KLHL1: variants seen among roughly 807,000 people sequenced by gnomAD.
KLHL1 encodes kelch like family member 1, also known as kelch-like protein 1.
KLHL1 carries 47 observed loss-of-function variants against 77.7 expected under a neutral mutation model. That is an observed-to-expected ratio of 0.60 (90% CI 0.48 to 0.77). KLHL1 has a LOEUF of 0.77. KLHL1 is among the 30% of genes least tolerant of loss of function. KLHL1 has a pLI of 0.00. For missense variants in KLHL1, 925 were observed against 910.8 expected (o/e 1.02, Z -0.20); for synonymous variants, 360 against 325.2 (o/e 1.11, Z -1.15).
At chr13:69,997,827 T>A (rs1277471513) in intron 1 of KLHL1, among the ~76,000 whole-genome samples, 1 of 149,666 alleles carries the variant, frequency 6.7e-6, no homozygotes. Flanking sequence ...TATATATATA[T>A]CTCACATATT....
At chr13:69,713,812 T>A (rs1201504094) in intron 9 of KLHL1, among the ~76,000 whole-genome samples, 1 of 152,166 alleles carries the variant, frequency 6.6e-6, no homozygotes, top group Non-Finnish European at 1.5e-5. Context: ...TTGGTACACA[T>A]GGTATTTCTA....
At chr13:69,891,920 CCA>C (rs1321420689) in intron 4 of KLHL1, among the ~76,000 whole-genome samples, 5 of 151,768 alleles carry the variant, frequency 3.3e-5, no homozygotes, top group African/African-American at 1.2e-4. Context: ...AAAAAATACT[CCA>C]GTCAGCTAAA....
chr13:69,900,171 G>A (rs545254603), intron 4 of KLHL1, among the ~76,000 whole-genome samples: 2 of 152,078 alleles, frequency 1.3e-5, no homozygotes, highest in Non-Finnish European at 2.9e-5. Context: ...CAATAACATC[G>A]AATTGCCTAT....
At chr13:69,867,830 C>A (rs1880421157) in intron 5 of KLHL1, among the ~76,000 whole-genome samples, 1 of 123,412 alleles carries the variant, frequency 8.1e-6, no homozygotes, top group Non-Finnish European at 1.6e-5. Context: ...GGAAGGGGAA[C>A]ATCACACACT....
chr13:69,843,486 T>C (rs1879343757), intron 5 of KLHL1, among the ~76,000 whole-genome samples: 1 of 151,618 alleles, frequency 6.6e-6, no homozygotes, highest in African/African-American at 2.4e-5. Context: ...CCCTAGTATT[T>C]TGATGGCTCC....
chr13:69,896,666 T>C (rs974121715), intron 4 of KLHL1, among the ~76,000 whole-genome samples: 1 of 149,074 alleles, frequency 6.7e-6, no homozygotes, highest in African/African-American at 2.6e-5. Flanking sequence ...GTCAAAGTAT[T>C]AAAATTTTTT....
intron 1 of KLHL1, among the ~76,000 whole-genome samples, chr13:70,039,861 G>A (rs916364509): frequency 6.6e-6 from 1 of 151,824 alleles, no homozygotes; most frequent in African/African-American, 2.4e-5. Flanking sequence ...GGCTGGTCTC[G>A]AAATTCTGAC....
intron 4 of KLHL1, among the ~76,000 whole-genome samples, chr13:69,907,022 A>G (rs1283595591): frequency 1.3e-5 from 2 of 151,944 alleles, no homozygotes; most frequent in Non-Finnish European, 2.9e-5. Context: ...ATGATTTTCA[A>G]ACTTTCCTTT....
At chr13:70,050,891 T>C (rs1367410590) in intron 1 of KLHL1, among the ~76,000 whole-genome samples, 1 of 152,000 alleles carries the variant, frequency 6.6e-6, no homozygotes, top group Non-Finnish European at 1.5e-5. Flanking sequence ...TTATGATCCC[T>C]AGGACATTAA....
chr13:70,013,472 G>C (rs1885585991), intron 1 of KLHL1, among the ~76,000 whole-genome samples: 1 of 152,136 alleles, frequency 6.6e-6, no homozygotes, highest in Non-Finnish European at 1.5e-5. Flanking sequence ...AAAGGGCAAG[G>C]TGATAGTGTA....
At chr13:69,780,713 T>TATATATATATACATAC (rs1566243678) in intron 7 of KLHL1, among the ~76,000 whole-genome samples, 1 of 32,952 alleles carries the variant, frequency 3.0e-5, no homozygotes, top group Non-Finnish European at 5.3e-5. Flanking sequence ...TATATATATA[T>TATATATATATACATAC]ATGTATATAT....
At chr13:69,901,406 G>A (rs531474924) in intron 4 of KLHL1, among the ~76,000 whole-genome samples, 1 of 152,298 alleles carries the variant, frequency 6.6e-6, no homozygotes, top group African/African-American at 2.4e-5. Flanking sequence ...TTCCAAGAAT[G>A]AGTTGAGGGA....
intron 8 of KLHL1, among the ~76,000 whole-genome samples, chr13:69,729,172 C>CT (rs375850580): frequency 4.6e-5 from 7 of 152,126 alleles, no homozygotes; most frequent in African/African-American, 1.4e-4. Context: ...CGTTTATTCA[C>CT]TTTTTTTGTG....
chr13:69,997,993 T>C (rs943013214), intron 1 of KLHL1, among the ~76,000 whole-genome samples: 2 of 151,914 alleles, frequency 1.3e-5, no homozygotes, highest in Non-Finnish European at 2.9e-5. Flanking sequence ...CTGAATTACA[T>C]GATAGTTCTA....
Position 69,924,502 on chromosome 13 carries a change from C to G in KLHL1, c.1014+15538G>C, listed in dbSNP as rs117438683. On this transcript the variant is annotated intron_variant, in intron 4 of 10. Coordinates refer to ENST00000377844, the MANE Select transcript of KLHL1 (RefSeq NM_020866.3). Reference sequence around the variant, plus strand: ...TGAGAGCTGAACACTCATTGGGACACCCTAGCTGCAGAGTGAAGCTACCCA... The same window carrying G: ...TGAGAGCTGAACACTCATTGGGACAGCCTAGCTGCAGAGTGAAGCTACCCA... Among the ~76,000 whole-genome samples the G allele has an allele frequency of 2.2e-3, 334 of 152,266 alleles. 10 individuals are homozygous for G. In the East Asian group the frequency reaches 0.045, roughly 20 times the overall value.
chr13:69,911,509 T>C (rs1472360227), intron 4 of KLHL1, among the ~76,000 whole-genome samples: 3 of 151,442 alleles, frequency 2.0e-5, no homozygotes, highest in Non-Finnish European at 4.4e-5. Context: ...ATTCAGTACT[T>C]ACATGTTACA....
intron 1 of KLHL1, among the ~76,000 whole-genome samples, chr13:70,037,852 T>C (rs951798354): frequency 6.6e-6 from 1 of 152,150 alleles, no homozygotes; most frequent in Non-Finnish European, 1.5e-5. Context: ...CCAATATGTG[T>C]AGTATTTTTT....
chr13:69,769,197 G>A lies in KLHL1; in HGVS notation c.1639+27541C>T, dbSNP rs115835821. ...CAAGGAAATGACATTAGGCCCAACT[G>A]CTAAGGTTTGAAAAAGATTTTTTCT... On this transcript the variant is annotated intron_variant, in intron 7 of 10. Transcript: ENST00000377844. 4.2e-3 allele frequency among the ~76,000 whole-genome samples: 641 copies of A among 152,288 alleles called. 4 individuals carry two copies. The highest frequency in any genetic ancestry group is 0.014 in the African/African-American group (590 of 41,556).
At chr13:69,871,786 G>C (rs555651957) in intron 5 of KLHL1, among the ~76,000 whole-genome samples, 52 of 149,970 alleles carry the variant, frequency 3.5e-4, no homozygotes, top group Non-Finnish European at 7.5e-4. Flanking sequence ...TTCCCAATAA[G>C]TTCCTCATTT....
Sources: gnomAD v4.1 joint callset for allele counts (sites outside exome capture counted in the v4.1 genomes callset) on GRCh38, gnomAD v4.1.1 for gene constraint, MANE v1.5 for transcripts, NCBI Gene and HGNC (gene_info 2026-07-23, HGNC 2026-07-21) for gene names.